Variants in PCNX2 observed in about 807,000 individuals in gnomAD.
PCNX2 encodes pecanex-like protein 2.
A neutral mutation model predicts 223.8 loss-of-function variants in PCNX2; 168 were observed. The observed-to-expected ratio is 0.75, with a 90% CI of 0.66 to 0.85. The LOEUF (loss-of-function observed/expected upper bound fraction) is 0.85, where lower values mean the gene tolerates loss of function less well. Ranked by LOEUF, PCNX2 falls within the 40% of genes least tolerant of loss-of-function variation. PCNX2 has a pLI of 0.00. For synonymous variants in PCNX2, 1,006 were observed against 1,052.6 expected (o/e 0.96, Z 0.86); for missense variants, 2,507 against 2,675.5 (o/e 0.94, Z 1.39).
At chr1:233,094,656 T>C (rs1338155539) in intron 22 of PCNX2, among the ~76,000 whole-genome samples, 7 of 152,236 alleles carry the variant, frequency 4.6e-5, no homozygotes, top group Admixed American at 4.6e-4. Flanking sequence ...TTTCCATTCC[T>C]GTACACCAAG....
At chr1:233,248,145 T>C (rs1659235548) in intron 8 of PCNX2, among the ~76,000 whole-genome samples, 1 of 152,194 alleles carries the variant, frequency 6.6e-6, no homozygotes, top group Non-Finnish European at 1.5e-5. Context: ...AACATTTTTC[T>C]CTTTACAGGA....
At chr1:233,152,993 G>C (rs1677909692) in intron 19 of PCNX2, among the ~76,000 whole-genome samples, 1 of 152,204 alleles carries the variant, frequency 6.6e-6, no homozygotes, top group South Asian at 2.1e-4. Context: ...ACCCAGTCTT[G>C]TCCAAGGCTG....
chr1:233,149,484 C>A (rs947462138), intron 19 of PCNX2, among the ~76,000 whole-genome samples: 36 of 152,238 alleles, frequency 2.4e-4, no homozygotes, highest in African/African-American at 8.7e-4. Flanking sequence ...AATCAACTAT[C>A]CCTGGTGTCA....
chr1:233,262,261 T>G (rs1342432238), intron 2 of PCNX2, 96 bp from the exon 3 acceptor site: 1 of 1,460,528 alleles, frequency 6.8e-7, no homozygotes, highest in Non-Finnish European at 9.3e-7. Context: ...TTTCCTAGAG[T>G]CCATTTTGTT....
At chr1:233,203,318 T>C (rs1681242007) in intron 13 of PCNX2, among the ~76,000 whole-genome samples, 1 of 152,240 alleles carries the variant, frequency 6.6e-6, no homozygotes, top group Admixed American at 6.5e-5. Context: ...TCAGAGGTTT[T>C]TGCTCAAGGA....
At chr1:233,321,721 T>C in the PCNX2 span, among the ~76,000 whole-genome samples, 1 of 152,242 alleles carries the variant, frequency 6.6e-6, no homozygotes, top group Non-Finnish European at 1.5e-5. Flanking sequence ...ATAAAATCGG[T>C]ATTTTTTACT....
chr1:233,005,337 G>A (rs1057267741), intron 28 of PCNX2, among the ~76,000 whole-genome samples: 2 of 152,140 alleles, frequency 1.3e-5, no homozygotes, highest in Non-Finnish European at 2.9e-5. Context: ...GCCAGGAATC[G>A]CAGGCATCAG....
chr1:233,300,727 T>C, the PCNX2 span, among the ~76,000 whole-genome samples: 1 of 152,214 alleles, frequency 6.6e-6, no homozygotes, highest in African/African-American at 2.4e-5. Flanking sequence ...GAGATATGGC[T>C]ATGCCAAAGA....
At chr1:233,131,078 C>T (rs757873792) in intron 21 of PCNX2, among the ~76,000 whole-genome samples, 35 of 152,262 alleles carry the variant, frequency 2.3e-4, no homozygotes, top group Non-Finnish European at 4.7e-4. Context: ...TCCTTTCTTC[C>T]GAGGAAACTG....
intron 19 of PCNX2, among the ~76,000 whole-genome samples, chr1:233,150,253 C>T (rs948969564): frequency 1.3e-5 from 2 of 152,264 alleles, no homozygotes; most frequent in East Asian, 3.9e-4. Context: ...GCTGGTGCTT[C>T]CCCACAGTGG....
At chr1:233,204,194 C>T (rs1208408958) in intron 13 of PCNX2, among the ~76,000 whole-genome samples, 1 of 152,016 alleles carries the variant, frequency 6.6e-6, no homozygotes, top group Non-Finnish European at 1.5e-5. Flanking sequence ...GAAATTTGGA[C>T]ACAGAGGCAC....
intron 15 of PCNX2, among the ~76,000 whole-genome samples, chr1:233,188,592 G>A (rs182070135): frequency 9.3e-4 from 141 of 151,674 alleles, no homozygotes; most frequent in East Asian, 4.1e-3. Context: ...GTGTGATCTC[G>A]GCTCACTGCA....
intron 23 of PCNX2, among the ~76,000 whole-genome samples, chr1:233,062,105 G>A (rs12083308): frequency 6.6e-6 from 1 of 152,094 alleles, no homozygotes; most frequent in East Asian, 1.9e-4. Context: ...CCTCACTGGG[G>A]AAAATTGGTT....
chr1:233,139,717 G>A lies in PCNX2; in HGVS notation c.3656C>T (p.Thr1219Ile). ...AGATAAACCATTAACCACTTACTGG[G>A]TACCAAGTCTCCGGTGATTGCTTAT... ...FLISNHRRLGTHWDIFLMIIA... is the reference protein window; with the variant it reads ...FLISNHRRLGIHWDIFLMIIA... Residue 1219 changes from threonine (T) to isoleucine (I), a missense_variant, in exon 20 of 34, where the codon ACC (threonine) becomes ATC (isoleucine). Physicochemically the swap from Thr to Ile is moderately conservative, Grantham distance 89. This residue lies in a region of PCNX2 where 1,372 missense variants were observed against 1,509.4 expected (regional missense o/e 0.91). Transcript: ENST00000258229. The surrounding 1 kb of genome is among the most constrained non-coding windows in gnomAD (Gnocchi z 4.4). 6.3e-7 allele frequency: 1 copy of A among 1,598,548 alleles called. No individual in the cohort carries two copies. Among genetic ancestry groups the A allele is most frequent in the African/African-American group, 1.3e-5 (1 of 74,770 alleles).
intron 20 of PCNX2, among the ~76,000 whole-genome samples, chr1:233,135,400 G>T (rs907461530): frequency 1.3e-5 from 2 of 152,188 alleles, no homozygotes; most frequent in African/African-American, 4.8e-5. Context: ...GGTCTCAAAG[G>T]GGCAGAACAA....
At chr1:233,289,312 T>C in intron 1 of PCNX2, 1 of 1,006,094 alleles carries the variant, frequency 9.9e-7, no homozygotes, top group South Asian at 1.3e-5. Context: ...TTGGCTGCCA[T>C]AATATTCAGC....
the PCNX2 span, among the ~76,000 whole-genome samples, chr1:233,303,206 G>T: frequency 0.76 from 115,046 of 152,064 alleles, 43,824 homozygotes; most frequent in South Asian, 0.82. Flanking sequence ...GAGTTCAGAG[G>T]ACTTTCTACA....
chr1:232,985,280 GA>G (rs1669432936), intron 33 of PCNX2: 1 of 152,158 alleles, frequency 6.6e-6, no homozygotes, highest in Non-Finnish European at 1.5e-5. Flanking sequence ...GGTGACACTA[GA>G]AATGTTCAGG....
At chr1:233,190,585 C>A (rs116817615) in intron 15 of PCNX2, among the ~76,000 whole-genome samples, 2 of 152,126 alleles carry the variant, frequency 1.3e-5, no homozygotes, top group African/African-American at 2.4e-5. Flanking sequence ...GTATTTATTG[C>A]AAATGATCGT....
Sources: allele counts gnomAD v4.1 joint callset (sites outside exome capture counted in the v4.1 genomes callset), GRCh38; gene constraint gnomAD v4.1.1; regional missense constraint gnomAD v4.1.1; non-coding constraint Gnocchi (gnomAD v3.1); transcripts MANE v1.5; gene names NCBI Gene and HGNC (gene_info 2026-07-23, HGNC 2026-07-21).